FSBP: variants seen among roughly 807,000 people sequenced by gnomAD.
FSBP encodes the protein fibrinogen silencer binding protein.
A neutral mutation model predicts 24.6 loss-of-function variants in FSBP; 18 were observed. The observed-to-expected ratio is 0.73, with a 90% CI of 0.51 to 1.08. The LOEUF is 1.08. Ranked by LOEUF, FSBP falls within the 50% of genes least tolerant of loss-of-function variation. The pLI, the probability that FSBP is intolerant of heterozygous loss-of-function variation, is 0.00. For missense variants in FSBP, 305 were observed against 347.6 expected (o/e 0.88, Z 0.98); for synonymous variants, 110 against 125.8 (o/e 0.87, Z 0.84).
In FSBP at chr8:94,430,931, T is replaced by TTA. The variant is rs1169627913; in HGVS notation, c.*1198_*1199dup. The TTA allele has an allele frequency of 4.1e-6, 4 of 985,262 alleles. No homozygotes were observed. The East Asian group carries it at 4.5e-4, about 112-fold the overall frequency. The allele number at this position is 985,262 out of a possible 1,614,324, so 61.0% of individuals were successfully genotyped here. A position where few individuals can be genotyped will look rare whatever the true frequency, so the allele number is the denominator to read the frequency against. On this transcript the variant is annotated 3_prime_UTR_variant, in exon 2 of 2. Coordinates refer to ENST00000481490, the MANE Select transcript of FSBP (RefSeq NM_001256141.2). The stretch of plus-strand genomic sequence containing the variant: ...CAATGGCTTAGCACTGCATTTGTGC[T>TTA]TATATACTCAATCCACTTTTTCCCA...
rs1812081661 is a variant in FSBP at position 94,431,107 on chromosome 8, T to C, written c.*1024A>G. On this transcript the variant is annotated 3_prime_UTR_variant, in exon 2 of 2. Coordinates refer to ENST00000481490, the MANE Select transcript of FSBP (RefSeq NM_001256141.2). ...CAAAAATAGAAATTCTTAAGTAACA[T>C]ACATATTAGAGATTTAATATAAATT... The C allele has an allele frequency of 2.1e-6, 2 of 969,954 alleles. No homozygotes were observed. Among genetic ancestry groups the C allele is most frequent in the Middle Eastern group, 5.3e-4 (1 of 1,890 alleles). 60.1% of individuals were successfully genotyped at this position (969,954 alleles called of 1,614,324 possible). A position where few individuals can be genotyped will look rare whatever the true frequency, so the allele number is the denominator to read the frequency against.
Position 94,430,881 on chromosome 8 carries a change from G to T in FSBP, c.*1250C>A, listed in dbSNP as rs946670337. On this transcript the variant is annotated 3_prime_UTR_variant, in exon 2 of 2. Transcript: ENST00000481490. Reference sequence around the variant, plus strand: ...AGTCCAGGATACTACAGCCCAAATTGACTCTCTCTACATTCACTTAAAATC... The same window carrying T: ...AGTCCAGGATACTACAGCCCAAATTTACTCTCTCTACATTCACTTAAAATC... The T allele has an allele frequency of 1.0e-6, 1 of 985,338 alleles. No homozygotes were observed. The highest frequency in any genetic ancestry group is 1.7e-5 in the African/African-American group (1 of 57,330). 61.0% of individuals were successfully genotyped at this position (985,338 alleles called of 1,614,324 possible). A position where few individuals can be genotyped will look rare whatever the true frequency, so the allele number is the denominator to read the frequency against.
chr8:94,434,317 T>A (rs565329153), intron 1 of FSBP, among the ~76,000 whole-genome samples: 15 of 151,762 alleles, frequency 9.9e-5, no homozygotes, highest in African/African-American at 3.6e-4. Context: ...AGCTAAAACA[T>A]TACAACTAAG....
intron 1 of FSBP, 41 bp from the exon 2 acceptor site, chr8:94,432,697 G>A: frequency 7.1e-7 from 1 of 1,404,754 alleles, no homozygotes; most frequent in Non-Finnish European, 9.3e-7. Flanking sequence ...TAAATCAAAT[G>A]AAGAAAAAGT....
chr8:94,435,045 T>C (rs1812219297), intron 1 of FSBP, among the ~76,000 whole-genome samples: 1 of 152,012 alleles, frequency 6.6e-6, no homozygotes, highest in South Asian at 2.1e-4. Flanking sequence ...TTTCAAATTA[T>C]AAAAACCTAT....
Position 94,431,486 on chromosome 8 carries a change from T to C in FSBP, c.*645A>G. On this transcript the variant is annotated 3_prime_UTR_variant, in exon 2 of 2. Coordinates refer to ENST00000481490, the MANE Select transcript of FSBP (RefSeq NM_001256141.2). ...GAGAATGTTTTAGTGGATATTTACT[T>C]CTATCGAATAGCGGGATGGAAATTA... 1 of 981,958 alleles carries C rather than the reference T, an allele frequency of 1.0e-6. No individual in the cohort carries two copies. The highest frequency in any genetic ancestry group is 4.7e-5 in the South Asian group (1 of 21,218). The allele number at this position is 981,958 out of a possible 1,614,324, so 60.8% of individuals were successfully genotyped here. A position where few individuals can be genotyped will look rare whatever the true frequency, so the allele number is the denominator to read the frequency against.
chr8:94,428,244 A>G lies in FSBP; in HGVS notation c.*3887T>C, dbSNP rs1811993478. On this transcript the variant is annotated 3_prime_UTR_variant, in exon 2 of 2. Coordinates refer to ENST00000481490, the MANE Select transcript of FSBP (RefSeq NM_001256141.2). ...TCTACAGAATCAAGTCTACATTTAA[A>G]AAACAAAATCACTCTTCTCTATGTT... is the stretch of plus-strand genomic sequence containing the variant. The G allele has an allele frequency of 3.2e-6, 3 of 939,160 alleles. No homozygotes were observed. The highest frequency in any genetic ancestry group is 3.8e-6 in the Non-Finnish European group (3 of 787,780). 58.2% of individuals were successfully genotyped at this position (939,160 alleles called of 1,614,324 possible).
rs60634729 is a variant in FSBP, at chr8:94,430,310, CAAAAA to C, written c.*1816_*1820del. On this transcript the variant is annotated 3_prime_UTR_variant, in exon 2 of 2. Transcript: ENST00000481490. ...TAGGTGACAAAGCAAGACTCCATCTCAAAAAAAAAAAAAAAAAGTATTTAATGTAA... is the reference window on the plus strand; with the variant it reads ...TAGGTGACAAAGCAAGACTCCATCTCAAAAAAAAAAAAGTATTTAATGTAA... 86 of 868,570 alleles carry C rather than the reference CAAAAA, an allele frequency of 9.9e-5. No individual in the cohort carries two copies. The highest frequency in any genetic ancestry group is 6.0e-4 in the Middle Eastern group (1 of 1,674). 53.8% of individuals were successfully genotyped at this position (868,570 alleles called of 1,614,324 possible). A position where few individuals can be genotyped will look rare whatever the true frequency, so the allele number is the denominator to read the frequency against.
intron 1 of FSBP, among the ~76,000 whole-genome samples, chr8:94,434,604 G>A (rs1469799665): frequency 1.3e-5 from 2 of 151,756 alleles, no homozygotes; most frequent in Non-Finnish European, 3.0e-5. Flanking sequence ...GCATATTTAT[G>A]TAGAAGTATA....
intron 1 of FSBP, among the ~76,000 whole-genome samples, 162 bp from the exon 2 acceptor site, chr8:94,432,818 C>T (rs933015503): frequency 1.3e-5 from 2 of 151,836 alleles, no homozygotes; most frequent in Non-Finnish European, 2.9e-5. Flanking sequence ...ATTAAAGTGA[C>T]TAAGATTGGG....
chr8:94,432,466 C>T lies in FSBP; in HGVS notation c.565G>A (p.Glu189Lys), dbSNP rs752003649. Residue 189 changes from glutamate (E) to lysine (K), a missense_variant, in exon 2 of 2, where the codon GAA becomes AAA. Physicochemically the swap from Glu to Lys is moderately conservative, Grantham distance 56 (BLOSUM62 1). Coordinates refer to ENST00000481490, the MANE Select transcript of FSBP (RefSeq NM_001256141.2). ...REEHELVHVM[E>K]RSLSPSLSSV... ...GAAAGTGAAGGCGACAAGGATCTTT[C>T]CATAACATGTACTAATTCATGTTCT... is the stretch of plus-strand genomic sequence containing the variant. The T allele has an allele frequency of 1.3e-6, 2 of 1,550,456 alleles. No homozygotes were observed. The highest frequency in any genetic ancestry group is 8.7e-7 in the Non-Finnish European group (1 of 1,146,858).
In FSBP at chr8:94,428,241, TA is replaced by T; in HGVS notation, c.*3889del. 2 of 933,794 alleles carry T rather than the reference TA, an allele frequency of 2.1e-6. No homozygotes were observed. The highest frequency in any genetic ancestry group is 2.6e-6 in the Non-Finnish European group (2 of 782,884). 57.8% of individuals were successfully genotyped at this position (933,794 alleles called of 1,614,324 possible). A position where few individuals can be genotyped will look rare whatever the true frequency, so the allele number is the denominator to read the frequency against. On this transcript the variant is annotated 3_prime_UTR_variant, in exon 2 of 2. Coordinates refer to ENST00000481490, the MANE Select transcript of FSBP (RefSeq NM_001256141.2). ...ATTTCTACAGAATCAAGTCTACATT[TA>T]AAAAACAAAATCACTCTTCTCTATG...
intron 1 of FSBP, among the ~76,000 whole-genome samples, chr8:94,433,777 G>A (rs1812185330): frequency 6.6e-6 from 1 of 150,826 alleles, no homozygotes. Flanking sequence ...GAACATGAAT[G>A]GAAATACTTT....
In FSBP at chr8:94,428,230, A is replaced by C; in HGVS notation, c.*3901T>G. The stretch of plus-strand genomic sequence containing the variant: ...AAATGTAGTATATTTCTACAGAATC[A>C]AGTCTACATTTAAAAAACAAAATCA... On this transcript the variant is annotated 3_prime_UTR_variant, in exon 2 of 2. Coordinates refer to ENST00000481490, the MANE Select transcript of FSBP (RefSeq NM_001256141.2). The C allele has an allele frequency of 2.3e-6, 2 of 886,772 alleles. No individual in the cohort carries two copies. Among genetic ancestry groups the C allele is most frequent in the Non-Finnish European group, 2.7e-6 (2 of 740,224 alleles). The allele number at this position is 886,772 out of a possible 1,614,324, so 54.9% of individuals were successfully genotyped here. A position where few individuals can be genotyped will look rare whatever the true frequency, so the allele number is the denominator to read the frequency against.
rs752850125 is a variant in FSBP at position 94,432,329 on chromosome 8, C to G, written c.702G>C (p.Gln234His). ...GCTCCTCTTTCAACATTTGCAGGAT[C>G]TGAGGATCATACCCTAATAGTGACC... ...HFRSLLGYDPQILQMLKEEHQ... is the reference protein window; with the variant it reads ...HFRSLLGYDPHILQMLKEEHQ... Residue 234 changes from glutamine (Q) to histidine (H), a missense_variant, in exon 2 of 2, where the codon CAG becomes CAC. Physicochemically the swap from Gln to His is conservative, Grantham distance 24. Coordinates refer to ENST00000481490, the MANE Select transcript of FSBP (RefSeq NM_001256141.2). 1 of 1,550,322 alleles carries G rather than the reference C, an allele frequency of 6.5e-7. No individual in the cohort carries two copies. Among genetic ancestry groups the G allele is most frequent in the South Asian group, 1.2e-5 (1 of 84,056 alleles).
At position 94,428,383 on chromosome 8, in the gene FSBP, T is replaced by C; in HGVS notation, c.*3748A>G. The C allele has an allele frequency of 1.1e-6, 1 of 925,124 alleles. No individual in the cohort carries two copies. The highest frequency in any genetic ancestry group is 1.8e-5 in the African/African-American group (1 of 56,002). 57.3% of individuals were successfully genotyped at this position (925,124 alleles called of 1,614,324 possible). A position where few individuals can be genotyped will look rare whatever the true frequency, so the allele number is the denominator to read the frequency against. The stretch of plus-strand genomic sequence containing the variant: ...TCATCCCTCAGTATCCAAGGGGGAT[T>C]GGTTTCAGGACACCCCCTACCCCAT... On this transcript the variant is annotated 3_prime_UTR_variant, in exon 2 of 2. Transcript: ENST00000481490.
At position 94,429,136 on chromosome 8, in the gene FSBP, G is replaced by A; in HGVS notation, c.*2995C>T. 1.0e-6 allele frequency: 1 copy of A among 983,248 alleles called. No individual in the cohort carries two copies. The highest frequency in any genetic ancestry group is 1.2e-6 in the Non-Finnish European group (1 of 828,034). The allele number at this position is 983,248 out of a possible 1,614,324, so 60.9% of individuals were successfully genotyped here. On this transcript the variant is annotated 3_prime_UTR_variant, in exon 2 of 2. Transcript: ENST00000481490. ...CAGTAAACTCAAAGAGTGTGATTCT[G>A]GTGTTTAAAAATATGTAAAAATAGG...
chr8:94,428,307 C>A lies in FSBP; in HGVS notation c.*3824G>T. 1 of 982,660 alleles carries A rather than the reference C, an allele frequency of 1.0e-6. No individual in the cohort carries two copies. Among genetic ancestry groups the A allele is most frequent in the Non-Finnish European group, 1.2e-6 (1 of 827,564 alleles). The allele number at this position is 982,660 out of a possible 1,614,324, so 60.9% of individuals were successfully genotyped here. A position where few individuals can be genotyped will look rare whatever the true frequency, so the allele number is the denominator to read the frequency against. On this transcript the variant is annotated 3_prime_UTR_variant, in exon 2 of 2. Transcript: ENST00000481490. ...CATTTTGTAATTAAAGCTCATGGACCCCAAACAATTGTCTATGATATGCAA... is the reference window on the plus strand; with the variant it reads ...CATTTTGTAATTAAAGCTCATGGACACCAAACAATTGTCTATGATATGCAA...
rs1000210868 is a variant in FSBP at position 94,430,080 on chromosome 8, G to A, written c.*2051C>T. The A allele has an allele frequency of 1.1e-4, 98 of 908,384 alleles. No homozygotes were observed. Among genetic ancestry groups the A allele is most frequent in the Non-Finnish European group, 1.2e-4 (93 of 760,170 alleles). 56.3% of individuals were successfully genotyped at this position (908,384 alleles called of 1,614,324 possible). ...TGTAATCCCAGCACTTTGGGAGGCC[G>A]AGGCGGGCAGATCACGAGGTCAGGA... is the stretch of plus-strand genomic sequence containing the variant. On this transcript the variant is annotated 3_prime_UTR_variant, in exon 2 of 2. Transcript: ENST00000481490.
Sources: allele counts gnomAD v4.1 joint callset (sites outside exome capture counted in the v4.1 genomes callset), GRCh38; gene constraint gnomAD v4.1.1; transcripts MANE v1.5; gene names NCBI Gene and HGNC (gene_info 2026-07-23, HGNC 2026-07-21).